EFHB: variants seen among roughly 807,000 people sequenced by gnomAD.
The protein encoded by EFHB is EF-hand domain-containing family member B.
A neutral mutation model predicts 87.2 loss-of-function variants in EFHB; 91 were observed. That is an observed-to-expected ratio of 1.04 (90% CI 0.88 to 1.24). The LOEUF (loss-of-function observed/expected upper bound fraction) is 1.24, where lower values mean the gene tolerates loss of function less well. Ranked by LOEUF, EFHB falls within the 50% of genes most tolerant of loss-of-function variation. EFHB has a pLI of 0.00. For missense variants in EFHB, 1,084 were observed against 998.8 expected, an observed-to-expected ratio of 1.09 and a Z score of -1.15; for synonymous variants, 325 against 333.6, an observed-to-expected ratio of 0.97 and a Z score of 0.28.
intron 5 of EFHB, among the ~76,000 whole-genome samples, chr3:19,908,598 G>GAGAGAGAGAGAGAGAGAA (rs1694937855): frequency 1.3e-5 from 1 of 77,788 alleles, no homozygotes; most frequent in Non-Finnish European, 2.4e-5. Flanking sequence ...GAGAGAGAGA[G>GAGAGAGAGAGAGAGAGAA]AGAAAGAAAG....
intron 1 of EFHB, among the ~76,000 whole-genome samples, chr3:19,922,652 G>T (rs1391552908): frequency 6.6e-6 from 1 of 152,136 alleles, no homozygotes; most frequent in Admixed American, 6.5e-5. Flanking sequence ...AGCGCATCAT[G>T]AATATAAATA....
At chr3:19,891,287 C>T (rs1302822891) in intron 9 of EFHB, among the ~76,000 whole-genome samples, 8 of 152,108 alleles carry the variant, frequency 5.3e-5, no homozygotes, top group Non-Finnish European at 1.2e-4. Flanking sequence ...AACTCCCAGC[C>T]TCAAACTATC....
At chr3:19,888,408 AAAT>A (rs746603079) in intron 10 of EFHB, 33 bp downstream of exon 10, 3 of 1,196,578 alleles carry the variant, frequency 2.5e-6, no homozygotes, top group African/African-American at 3.2e-5. Context: ...AAATTTAAAA[AAAT>A]AATAATTCAT....
At chr3:19,895,950 T>A (rs1468811699) in intron 9 of EFHB, among the ~76,000 whole-genome samples, 1 of 152,236 alleles carries the variant, frequency 6.6e-6, no homozygotes, top group Non-Finnish European at 1.5e-5. Flanking sequence ...AAGGCAATTA[T>A]GTAGCCCTAG....
At position 19,896,697 on chromosome 3, in the gene EFHB, T is replaced by C; in HGVS notation, c.1715A>G (p.His572Arg). The C allele has an allele frequency of 9.3e-6, 15 of 1,614,034 alleles. No homozygotes were observed. Among genetic ancestry groups the C allele is most frequent in the Non-Finnish European group, 1.3e-5 (15 of 1,179,884 alleles). The stretch of plus-strand genomic sequence containing the variant: ...TCCCCCATTACTGGCCTTGTCATAG[T>C]GCCTGAAGGCTGCCAGCAAAGTGTC... ...KFDTLLAAFR[H>R]YDKKGDGMID... Residue 572 changes from histidine (H) to arginine (R), a missense_variant, in exon 9 of 13, where the codon CAC (histidine) becomes CGC (arginine). Physicochemically the swap from His to Arg is conservative, Grantham distance 29. Coordinates refer to ENST00000295824, the MANE Select transcript of EFHB (RefSeq NM_144715.4).
chr3:19,909,786 C>T (rs908717862), intron 5 of EFHB, among the ~76,000 whole-genome samples: 8 of 152,100 alleles, frequency 5.3e-5, no homozygotes, highest in African/African-American at 1.2e-4. Flanking sequence ...CTCAGGAGGC[C>T]GCCATTCCAG....
intron 9 of EFHB, chr3:19,895,011 A>AAAT (rs1694431430): frequency 7.1e-6 from 1 of 141,318 alleles, no homozygotes; most frequent in African/African-American, 2.7e-5. Flanking sequence ...TATATATAAA[A>AAAT]ATATATAGTT....
intron 5 of EFHB, among the ~76,000 whole-genome samples, 179 bp downstream of exon 5, chr3:19,915,124 G>T (rs777079218): frequency 6.6e-6 from 1 of 151,924 alleles, no homozygotes; most frequent in Admixed American, 6.6e-5. Context: ...TTTAAAAACC[G>T]TAAGTATATG....
chr3:19,902,440 C>G (rs372772068), intron 6 of EFHB, among the ~76,000 whole-genome samples: 1 of 152,126 alleles, frequency 6.6e-6, no homozygotes, highest in South Asian at 2.1e-4. Flanking sequence ...CTTAAACCTC[C>G]ACCTCCCGGG....
chr3:19,899,656 AG>A (rs1316714565), intron 6 of EFHB, 141 bp from the exon 7 acceptor site: 1 of 499,054 alleles, frequency 2.0e-6, no homozygotes, highest in Non-Finnish European at 3.4e-6. Flanking sequence ...TCTGCTAAAA[AG>A]AAAGTTTTAT....
chr3:19,924,872 A>T (rs897486853), intron 1 of EFHB, among the ~76,000 whole-genome samples: 1 of 152,118 alleles, frequency 6.6e-6, no homozygotes, highest in Non-Finnish European at 1.5e-5. Context: ...AAAGTATAAT[A>T]ATAAAAAAAA....
Position 19,933,745 on chromosome 3 carries a change from C to T in EFHB, c.274G>A (p.Asp92Asn). ...TVMQRGSLGV[D>N]SVSASQGTKP... ...GTTCCCTGTGAAGCTGAGACACTGT[C>T]GACTCCTAAACTACCCCTCTGCATG... The change falls in exon 1 of 13, where the codon GAC becomes AAC. Residue 92 changes from aspartate (D) to asparagine (N), a missense_variant. Coordinates refer to ENST00000295824, the MANE Select transcript of EFHB (RefSeq NM_144715.4). 6.2e-7 allele frequency: 1 copy of T among 1,613,942 alleles called. No individual in the cohort carries two copies.
chr3:19,931,715 G>A (rs905494563), intron 1 of EFHB, among the ~76,000 whole-genome samples: 5 of 152,078 alleles, frequency 3.3e-5, no homozygotes, highest in East Asian at 1.9e-4. Flanking sequence ...TTTCTTCTCC[G>A]ACTGGTCTTT....
chr3:19,932,969 A>T (rs1369414317), intron 1 of EFHB, among the ~76,000 whole-genome samples: 1 of 152,244 alleles, frequency 6.6e-6, no homozygotes, highest in East Asian at 1.9e-4. Flanking sequence ...GGAAAATGAA[A>T]TGAAGGTTAA....
At chr3:19,924,090 G>A (rs1273725076) in intron 1 of EFHB, among the ~76,000 whole-genome samples, 1 of 152,080 alleles carries the variant, frequency 6.6e-6, no homozygotes, top group Non-Finnish European at 1.5e-5. Context: ...AATAACTAGT[G>A]ATGATTCTTT....
At chr3:19,925,093 T>A (rs1695573847) in intron 1 of EFHB, among the ~76,000 whole-genome samples, 1 of 151,752 alleles carries the variant, frequency 6.6e-6, no homozygotes, top group African/African-American at 2.4e-5. Context: ...ATACAAAAAA[T>A]TAGCCGGGCA....
Position 19,900,544 on chromosome 3 carries a change from C to T in EFHB, c.1419-1029G>A, listed in dbSNP as rs775433637. 3.6e-4 allele frequency among the ~76,000 whole-genome samples: 54 copies of T among 151,944 alleles called. 1 individual carries two copies. Among genetic ancestry groups the T allele is most frequent in the Non-Finnish European group, 7.5e-4 (51 of 67,984 alleles). ...TACAGTTCTTTTGAAAATAATTGGG[C>T]AATATGAATCAAAAAGCATAAAAAC... On this transcript the variant is annotated intron_variant, in intron 6 of 12. Coordinates refer to ENST00000295824, the MANE Select transcript of EFHB (RefSeq NM_144715.4).
chr3:19,922,704 A>C (rs1179236661), intron 1 of EFHB, among the ~76,000 whole-genome samples: 1 of 152,116 alleles, frequency 6.6e-6, no homozygotes, highest in Non-Finnish European at 1.5e-5. Flanking sequence ...ATATCTGCCA[A>C]TAAATAAGCT....
At chr3:19,887,272 C>A (rs1384364913) in intron 10 of EFHB, among the ~76,000 whole-genome samples, 1 of 151,334 alleles carries the variant, frequency 6.6e-6, no homozygotes, top group Non-Finnish European at 1.5e-5. Context: ...ATAATCCCAG[C>A]TACTCTGGAG....
Sources: allele counts gnomAD v4.1 joint callset (sites outside exome capture counted in the v4.1 genomes callset), GRCh38; gene constraint gnomAD v4.1.1; transcripts MANE v1.5; gene names NCBI Gene and HGNC (gene_info 2026-07-23, HGNC 2026-07-21).